Variants in RGL1 observed in about 807,000 individuals in gnomAD.
The protein encoded by RGL1 is ral guanine nucleotide dissociation stimulator-like 1.
In RGL1, 24 loss-of-function variants were observed where a neutral mutation model predicts 95.2. The observed-to-expected ratio is 0.25, with a 90% confidence interval of 0.18 to 0.35. The LOEUF is 0.35. RGL1 is among the 10% of genes least tolerant of loss of function. The pLI, the probability that RGL1 is intolerant of heterozygous loss-of-function variation, is 1.00. For missense variants in RGL1, 715 were observed against 936.3 expected (o/e 0.76, Z 3.08); for synonymous variants, 329 against 344.9 (o/e 0.95, Z 0.51).
chr1:183,797,719 G>GT (rs1660771444), intron 2 of RGL1, among the ~76,000 whole-genome samples: 2 of 152,180 alleles, frequency 1.3e-5, no homozygotes, highest in African/African-American at 4.8e-5. Flanking sequence ...GCAAAGGAAG[G>GT]TTGAAAGTTC....
intron 1 of RGL1, among the ~76,000 whole-genome samples, chr1:183,733,781 CTAAT>C (rs1356838936): frequency 6.6e-6 from 1 of 152,148 alleles, no homozygotes; most frequent in Non-Finnish European, 1.5e-5. Context: ...TTATGTGACA[CTAAT>C]TAAAGGGTCT....
intron 2 of RGL1, among the ~76,000 whole-genome samples, chr1:183,782,939 G>T (rs374780416): frequency 6.6e-6 from 1 of 152,186 alleles, no homozygotes; most frequent in South Asian, 2.1e-4. Flanking sequence ...AATCAACTTT[G>T]CCCACCTTAA....
chr1:183,708,542 G>A (rs1382487355), intron 1 of RGL1, among the ~76,000 whole-genome samples: 2 of 152,130 alleles, frequency 1.3e-5, no homozygotes, highest in Non-Finnish European at 2.9e-5. Context: ...TAGCTCAGGC[G>A]CATGCTGATA....
intron 1 of RGL1, among the ~76,000 whole-genome samples, chr1:183,662,412 C>T (rs1163185723): frequency 6.6e-6 from 1 of 151,838 alleles, no homozygotes; most frequent in East Asian, 1.9e-4. Flanking sequence ...TCTTATACAC[C>T]AATAACAGAC....
At chr1:183,801,388 G>A (rs542082920), upstream of RGL1, among the ~76,000 whole-genome samples, 106 of 151,698 alleles carry the variant, frequency 7.0e-4, no homozygotes, top group African/African-American at 2.5e-3. Flanking sequence ...AAAATATTGT[G>A]GGTATTAACC....
chr1:183,771,241 C>T (rs1659255947), intron 2 of RGL1, among the ~76,000 whole-genome samples: 1 of 150,986 alleles, frequency 6.6e-6, no homozygotes, highest in Admixed American at 6.6e-5. Context: ...CAGACATGAA[C>T]ATTTCTTTAC....
chr1:183,778,453 G>GTATACTAT (rs1371114520), intron 2 of RGL1, among the ~76,000 whole-genome samples: 1 of 152,170 alleles, frequency 6.6e-6, no homozygotes, highest in African/African-American at 2.4e-5. Flanking sequence ...GGGGAAAACT[G>GTATACTAT]TATACTATGT....
chr1:183,669,776 G>A (rs1049773200), intron 1 of RGL1, among the ~76,000 whole-genome samples: 8 of 152,260 alleles, frequency 5.3e-5, no homozygotes, highest in Middle Eastern at 3.4e-3. Flanking sequence ...GGCTGGGGAG[G>A]CCTCACAATC....
intron 2 of RGL1, among the ~76,000 whole-genome samples, chr1:183,779,834 G>A (rs957156105): frequency 6.6e-6 from 1 of 152,038 alleles, no homozygotes; most frequent in African/African-American, 2.4e-5. Context: ...TCAGTGTTGA[G>A]TTCTGCAAGC....
At chr1:183,885,810 T>C (rs943427704) in intron 7 of RGL1, among the ~76,000 whole-genome samples, 2 of 152,114 alleles carry the variant, frequency 1.3e-5, no homozygotes, top group South Asian at 4.1e-4. Context: ...AGTAGGGCCA[T>C]GGGAGATAAG....
At chr1:183,644,198 A>G (rs1394326625) in intron 1 of RGL1, among the ~76,000 whole-genome samples, 2 of 152,232 alleles carry the variant, frequency 1.3e-5, no homozygotes. Context: ...CATAATGATT[A>G]AGAACATGGA....
At position 183,912,253 on chromosome 1, in the gene RGL1, T is replaced by C; in HGVS notation, c.1734T>C (p.Asp578=). Residue 578 remains aspartate (D), a synonymous_variant, in exon 15 of 18, where the codon GAT becomes GAC. Coordinates refer to ENST00000360851, the MANE Select transcript of RGL1 (RefSeq NM_001297671.3). ...CCATTACTCCCATGGACACCCCTGA[T>C]GAGCCTCAAAAAAAGGTATATACTC... is the stretch of plus-strand genomic sequence containing the variant. ...EGSITPMDTP[D]EPQKKLSESS... The C allele has an allele frequency of 6.2e-7, 1 of 1,613,608 alleles. No individual in the cohort carries two copies. Among genetic ancestry groups the C allele is most frequent in the Non-Finnish European group, 8.5e-7 (1 of 1,179,828 alleles).
chr1:183,744,079 C>A (rs1657474417), intron 2 of RGL1, among the ~76,000 whole-genome samples: 1 of 152,120 alleles, frequency 6.6e-6, no homozygotes, highest in African/African-American at 2.4e-5. Flanking sequence ...AGCTCATTGC[C>A]AAGTTTAGTT....
chr1:183,786,619 C>A (rs1387393030), intron 2 of RGL1, among the ~76,000 whole-genome samples: 1 of 152,098 alleles, frequency 6.6e-6, no homozygotes, highest in East Asian at 1.9e-4. Context: ...TAGGGATGCT[C>A]AATCTCTACT....
At chr1:183,765,055 C>T (rs935221442) in intron 2 of RGL1, among the ~76,000 whole-genome samples, 1 of 152,202 alleles carries the variant, frequency 6.6e-6, no homozygotes, top group African/African-American at 2.4e-5. Flanking sequence ...TCCTCTCTTT[C>T]CAAGGCCCCA....
At chr1:183,672,043 C>T (rs1652500024) in intron 1 of RGL1, among the ~76,000 whole-genome samples, 1 of 151,912 alleles carries the variant, frequency 6.6e-6, no homozygotes, top group Admixed American at 6.6e-5. Context: ...AGCGATTCTC[C>T]TACCTCAGCC....
At chr1:183,880,158 C>T (rs2102635793) in intron 4 of RGL1, among the ~76,000 whole-genome samples, 1 of 152,222 alleles carries the variant, frequency 6.6e-6, no homozygotes, top group African/African-American at 2.4e-5. Flanking sequence ...TATCTTTCCA[C>T]ACTCAGGCAC....
In RGL1 at chr1:183,665,291, C is replaced by G. The variant is rs538606893; in HGVS notation, c.-33+28790C>G. 5.3e-5 allele frequency among the ~76,000 whole-genome samples: 8 copies of G among 152,122 alleles called. No individual in the cohort carries two copies. The East Asian group carries it at 7.7e-4, about 15-fold the overall frequency. On this transcript the variant is annotated intron_variant, in intron 1 of 18. Coordinates refer to the RGL1 transcript ENST00000304685. ...TTTATATATTCTTGAATTCAATTTG[C>G]TAATACTTTCGTTGAGAATTTTCAC...
chr1:183,675,446 G>C (rs561847934), intron 1 of RGL1, among the ~76,000 whole-genome samples: 4 of 142,986 alleles, frequency 2.8e-5, no homozygotes, highest in Admixed American at 7.1e-5. Flanking sequence ...CATATCTAAG[G>C]CTTTTGGAAA....
Sources: gnomAD v4.1 joint callset for allele counts (sites outside exome capture counted in the v4.1 genomes callset) on GRCh38, gnomAD v4.1.1 for gene constraint, MANE v1.5 for transcripts, NCBI Gene and HGNC (gene_info 2026-07-23, HGNC 2026-07-21) for gene names.